The following CACHD1 variants were observed in gnomAD, a reference collection of about 807,000 sequenced individuals.
The protein encoded by CACHD1 is VWFA and cache domain-containing protein 1.
In CACHD1, 71 loss-of-function variants were observed where a neutral mutation model predicts 138.7. The observed-to-expected ratio is 0.51, with a 90% CI of 0.42 to 0.62. The LOEUF is 0.62. Ranked by LOEUF, CACHD1 falls within the 20% of genes least tolerant of loss-of-function variation. The probability of loss-of-function intolerance (pLI) is 0.00; values close to 1 mark genes in which losing one functional copy is unlikely to be tolerated. For synonymous variants in CACHD1, 578 were observed against 591.5 expected, an observed-to-expected ratio of 0.98 and a Z score of 0.33; for missense variants, 1,389 against 1,625.3, an observed-to-expected ratio of 0.85 and a Z score of 2.50.
At chr1:64,588,174 G>T (rs902799599) in intron 3 of CACHD1, among the ~76,000 whole-genome samples, 2 of 152,060 alleles carry the variant, frequency 1.3e-5, no homozygotes, top group South Asian at 4.2e-4. Context: ...AAGACCATAC[G>T]ATATTAATAG....
chr1:64,661,441 C>G (rs1002396911), intron 13 of CACHD1, among the ~76,000 whole-genome samples: 4 of 152,174 alleles, frequency 2.6e-5, no homozygotes, highest in Non-Finnish European at 5.9e-5. Flanking sequence ...CTAGCCTTTT[C>G]TAAAACGCCA....
At chr1:64,566,479 T>TCCCACCC (rs1553133820) in intron 2 of CACHD1, among the ~76,000 whole-genome samples, 1 of 120,646 alleles carries the variant, frequency 8.3e-6, no homozygotes, top group East Asian at 2.6e-4. Context: ...TGTTTTCAAT[T>TCCCACCC]CCCCCCCCCC....
chr1:64,480,366 G>A (rs1165136088), intron 1 of CACHD1, among the ~76,000 whole-genome samples: 1 of 152,060 alleles, frequency 6.6e-6, no homozygotes, highest in East Asian at 1.9e-4. Context: ...TTATACTGTG[G>A]GGGCCCCTTT....
intron 4 of CACHD1, among the ~76,000 whole-genome samples, chr1:64,607,083 G>T (rs1216559858): frequency 6.6e-6 from 1 of 152,156 alleles, no homozygotes; most frequent in African/African-American, 2.4e-5. Context: ...TTGTGTATAG[G>T]TAGTACTAAA....
intron 1 of CACHD1, among the ~76,000 whole-genome samples, chr1:64,510,722 A>G (rs1302180776): frequency 6.6e-6 from 1 of 152,078 alleles, no homozygotes; most frequent in African/African-American, 2.4e-5. Flanking sequence ...AAATTGCCAA[A>G]ACCAGAAATT....
At chr1:64,622,476 C>T (rs1471865657) in intron 4 of CACHD1, among the ~76,000 whole-genome samples, 1 of 152,198 alleles carries the variant, frequency 6.6e-6, no homozygotes, top group Non-Finnish European at 1.5e-5. Flanking sequence ...CGTTTTGTTA[C>T]ACCTCTGCTT....
intron 1 of CACHD1, among the ~76,000 whole-genome samples, chr1:64,474,817 C>T (rs1176112289): frequency 1.3e-5 from 2 of 152,240 alleles, no homozygotes; most frequent in East Asian, 1.9e-4. Flanking sequence ...GGCACAAGGC[C>T]AGTGTGCCTG....
chr1:64,554,300 C>T (rs1231219745), intron 2 of CACHD1, among the ~76,000 whole-genome samples: 2 of 152,224 alleles, frequency 1.3e-5, no homozygotes, highest in Non-Finnish European at 2.9e-5. Context: ...TCCTTGGCCT[C>T]CTGCCAACTT....
chr1:64,674,025 T>C (rs1461251233), intron 19 of CACHD1, among the ~76,000 whole-genome samples: 3 of 152,210 alleles, frequency 2.0e-5, no homozygotes, highest in Admixed American at 6.5e-5. Flanking sequence ...ATAATCCTAG[T>C]TGGGAGAAAG....
At chr1:64,667,458 G>T (rs982929399) in intron 16 of CACHD1, among the ~76,000 whole-genome samples, 12 of 152,206 alleles carry the variant, frequency 7.9e-5, no homozygotes, top group African/African-American at 2.9e-4. Flanking sequence ...TGACTCCTTT[G>T]TAGGGTATGG....
At chr1:64,479,679 G>A (rs891541711) in intron 1 of CACHD1, among the ~76,000 whole-genome samples, 2 of 152,156 alleles carry the variant, frequency 1.3e-5, no homozygotes, top group African/African-American at 4.8e-5. Flanking sequence ...CACCCTATGC[G>A]GTTGAAGTGT....
At chr1:64,478,040 A>G (rs1429179773) in intron 1 of CACHD1, among the ~76,000 whole-genome samples, 1 of 152,212 alleles carries the variant, frequency 6.6e-6, no homozygotes, top group African/African-American at 2.4e-5. Context: ...TATAATATGT[A>G]TAATATATTG....
chr1:64,563,488 G>A (rs1370093), intron 2 of CACHD1, among the ~76,000 whole-genome samples: 128,546 of 152,136 alleles, frequency 0.84, 55,963 homozygotes, highest in East Asian at 0.99. Flanking sequence ...CTATCCTTTT[G>A]TTCATATGAG....
chr1:64,593,699 A>C (rs1412376731), intron 3 of CACHD1, among the ~76,000 whole-genome samples: 2 of 152,212 alleles, frequency 1.3e-5, no homozygotes, highest in Admixed American at 6.5e-5. Flanking sequence ...TATTACCTGC[A>C]GGCCGACTAA....
At position 64,673,277 on chromosome 1, in the gene CACHD1, G is replaced by A. The variant is rs1309533664; in HGVS notation, c.2610+20G>A. On this transcript the variant is annotated intron_variant, in intron 18 of 26. Transcript: ENST00000651257. ...CACAAGGTATTTGTCACAAAGCTGA[G>A]CTGCTCAGTTCTCCAACCTCCTGCA... The A allele has an allele frequency of 6.2e-7, 1 of 1,613,808 alleles. No individual in the cohort carries two copies.
At chr1:64,499,764 G>C (rs931066936) in intron 1 of CACHD1, among the ~76,000 whole-genome samples, 5 of 152,202 alleles carry the variant, frequency 3.3e-5, no homozygotes, top group African/African-American at 1.2e-4. Context: ...TACAGTAGTT[G>C]TTAGACCCAT....
chr1:64,662,631 A>C (rs1649480771), intron 13 of CACHD1, among the ~76,000 whole-genome samples: 1 of 152,220 alleles, frequency 6.6e-6, no homozygotes, highest in South Asian at 2.1e-4. Flanking sequence ...AGGACACATG[A>C]TCATGCTTTC....
At chr1:64,559,284 G>GTA (rs1646821330) in intron 2 of CACHD1, among the ~76,000 whole-genome samples, 1 of 152,182 alleles carries the variant, frequency 6.6e-6, no homozygotes, top group East Asian at 1.9e-4. Flanking sequence ...AGAAATTGTG[G>GTA]TATATATGTA....
At position 64,654,645 on chromosome 1, in the gene CACHD1, T is replaced by G. The variant is rs757774478; in HGVS notation, c.1665-41T>G. 3 of 1,481,274 alleles carry G rather than the reference T, an allele frequency of 2.0e-6. No individual in the cohort carries two copies. The South Asian group carries it at 3.4e-5, about 17-fold the overall frequency. The allele number at this position is 1,481,274 out of a possible 1,614,324, so 91.8% of individuals were successfully genotyped here. On this transcript the variant is annotated intron_variant, in intron 11 of 26. Transcript: ENST00000651257. ...TTGCCTTTAATTAAGTGCTTAATTT[T>G]ATCTTTTGCCTGAAATATTTAATTC...
Sources: gnomAD v4.1 joint callset for allele counts (sites outside exome capture counted in the v4.1 genomes callset) on GRCh38, gnomAD v4.1.1 for gene constraint, MANE v1.5 for transcripts, NCBI Gene and HGNC (gene_info 2026-07-23, HGNC 2026-07-21) for gene names.